ACTR1B: variants seen among roughly 807,000 people sequenced by gnomAD.
ACTR1B encodes the protein beta-centractin.
ACTR1B carries 34 observed loss-of-function variants against 49.4 expected under a neutral mutation model. That is an observed-to-expected ratio of 0.69 (90% CI 0.52 to 0.92). The LOEUF (loss-of-function observed/expected upper bound fraction) is 0.92, where lower values mean the gene tolerates loss of function less well. ACTR1B is among the 40% of genes least tolerant of loss of function. ACTR1B has a pLI of 0.00. For synonymous variants in ACTR1B, 207 were observed against 207.8 expected (o/e 1.00, Z 0.03); for missense variants, 471 against 522.4 (o/e 0.90, Z 0.96).
rs1674920326 is a variant in ACTR1B at position 97,658,531 on chromosome 2, T to C, written c.553A>G (p.Ile185Val). 16 of 1,613,988 alleles carry C rather than the reference T, an allele frequency of 9.9e-6. No homozygotes were observed. The highest frequency in any genetic ancestry group is 1.4e-5 in the Non-Finnish European group (16 of 1,179,986). The change falls in exon 6 of 11, where the codon ATT (isoleucine) becomes GTT (valine). Residue 185 changes from isoleucine to valine, a missense_variant. By Grantham distance (29) the Ile-to-Val change is conservative. Transcript: ENST00000289228. The surrounding 1 kb of genome is among the most constrained non-coding windows in gnomAD (Gnocchi z 5.9). ...TAGCGGGAGACGTCGCGGCCGGCAA[T>C]GTCCACCCGCATGATGGAGTGAGGC... ...AMPHSIMRVDIAGRDVSRYLR... is the reference protein window; with the variant it reads ...AMPHSIMRVDVAGRDVSRYLR...
Position 97,656,230 on chromosome 2 carries a change from G to A in ACTR1B, c.*628C>T, listed in dbSNP as rs1674832548. 1 of 152,392 alleles carries A rather than the reference G, an allele frequency of 6.6e-6. No homozygotes were observed. Among genetic ancestry groups the A allele is most frequent in the Non-Finnish European group, 1.5e-5 (1 of 68,222 alleles). 9.4% of individuals were successfully genotyped at this position (152,392 alleles called of 1,614,324 possible). On this transcript the variant is annotated 3_prime_UTR_variant, in exon 11 of 11. Coordinates refer to ENST00000289228, the MANE Select transcript of ACTR1B (RefSeq NM_005735.4). ...GTAGAGGGAGGAGCAAGTGGATGAAGTGCTCTGAAAAGGATAGTGCAGCGG... is the reference window on the plus strand; with the variant it reads ...GTAGAGGGAGGAGCAAGTGGATGAAATGCTCTGAAAAGGATAGTGCAGCGG...
In ACTR1B at chr2:97,659,505, A is replaced by C. The variant is rs1573182842; in HGVS notation, c.190-28T>G. 1 of 1,610,870 alleles carries C rather than the reference A, an allele frequency of 6.2e-7. No homozygotes were observed. The highest frequency in any genetic ancestry group is 8.5e-7 in the Non-Finnish European group (1 of 1,179,598). On this transcript the variant is annotated intron_variant, in intron 3 of 10. Coordinates refer to ENST00000289228, the MANE Select transcript of ACTR1B (RefSeq NM_005735.4). This position sits in a 1 kb window ranked among gnomAD's most constrained non-coding sequence, Gnocchi z 4.0. ...GGTGGGGTGGGAAGGGAGGTGTGGC[A>C]CCCGGCCCTTGCTCAGCGGCTGCTT...
chr2:97,658,311 C>G lies in ACTR1B; in HGVS notation c.663G>C (p.Ala221=), dbSNP rs757632610. Residue 221 remains alanine, a synonymous_variant, in exon 7 of 11, where the codon GCG becomes GCC. Coordinates refer to ENST00000289228, the MANE Select transcript of ACTR1B (RefSeq NM_005735.4). This position sits in a 1 kb window ranked among gnomAD's most constrained non-coding sequence, Gnocchi z 5.9. Reference sequence around the variant, plus strand: ...TCTGTGGGTTGATGGACAGGTAGCACGCTCGCTGCGGGGACAGGGACACAG... The same window carrying G: ...TCTGTGGGTTGATGGACAGGTAGCAGGCTCGCTGCGGGGACAGGGACACAG... ...FEVVRTIKER[A]CYLSINPQKD... is the part of the protein sequence containing the mutation. 4.3e-6 allele frequency: 7 copies of G among 1,614,210 alleles called. No individual in the cohort carries two copies. The South Asian group carries it at 7.7e-5, about 18-fold the overall frequency.
intron 1 of ACTR1B, among the ~76,000 whole-genome samples, chr2:97,663,584 G>A (rs1227171378): frequency 2.6e-5 from 4 of 151,936 alleles, no homozygotes; most frequent in Admixed American, 2.0e-4. Context: ...TGTCACTCAA[G>A]CTCTCCTGAA....
At chr2:97,663,796 C>T (rs2104511954) in intron 1 of ACTR1B, 47 bp downstream of exon 1, 1 of 1,299,900 alleles carries the variant, frequency 7.7e-7, no homozygotes. Flanking sequence ...GCCGCGTGCG[C>T]CCCCGGGGGC....
intron 2 of ACTR1B, among the ~76,000 whole-genome samples, chr2:97,661,423 C>T (rs1174112965): frequency 1.3e-5 from 2 of 152,216 alleles, no homozygotes; most frequent in African/African-American, 2.4e-5. Flanking sequence ...CTTATTCCCG[C>T]CCCCACCAGT....
At chr2:97,662,847 G>C (rs1675057381) in intron 1 of ACTR1B, among the ~76,000 whole-genome samples, 1 of 152,180 alleles carries the variant, frequency 6.6e-6, no homozygotes, top group Non-Finnish European at 1.5e-5. Flanking sequence ...TTCCTGCAGC[G>C]TCCTGCTGGT....
intron 1 of ACTR1B, among the ~76,000 whole-genome samples, chr2:97,662,822 G>A (rs746898681): frequency 6.6e-5 from 10 of 152,162 alleles, no homozygotes; most frequent in Non-Finnish European, 1.0e-4. Flanking sequence ...GTCAAGAAAG[G>A]AAGTAGCCTG....
chr2:97,657,517 C>T lies in ACTR1B; in HGVS notation c.926-8G>A, dbSNP rs772277830. ...GTAATCGGTCTCCGAAGCCTGTGAA[C>T]ACAAAGCTGGCTGAGCCTGGGGTCT... is the stretch of plus-strand genomic sequence containing the variant. On this transcript the variant is annotated splice_polypyrimidine_tract_variant and splice_region_variant and intron_variant, in intron 8 of 10. Coordinates refer to ENST00000289228, the MANE Select transcript of ACTR1B (RefSeq NM_005735.4). The T allele has an allele frequency of 1.9e-6, 3 of 1,614,108 alleles. No individual in the cohort carries two copies. Among genetic ancestry groups the T allele is most frequent in the Non-Finnish European group, 2.5e-6 (3 of 1,180,038 alleles).
chr2:97,657,909 C>T (rs756551537), intron 8 of ACTR1B, 34 bp downstream of exon 8: 7 of 1,605,856 alleles, frequency 4.4e-6, no homozygotes, highest in Non-Finnish European at 5.1e-6. Flanking sequence ...CCCTGGGCCT[C>T]GTCTCACCAC....
chr2:97,662,640 G>A (rs906617405), intron 1 of ACTR1B, among the ~76,000 whole-genome samples: 3 of 152,080 alleles, frequency 2.0e-5, no homozygotes, highest in Admixed American at 6.5e-5. Flanking sequence ...CCCACCCAGC[G>A]AAGGGATAAG....
intron 1 of ACTR1B, among the ~76,000 whole-genome samples, chr2:97,663,197 T>A (rs1675071387): frequency 6.6e-6 from 1 of 152,178 alleles, no homozygotes; most frequent in Non-Finnish European, 1.5e-5. Context: ...GATGACATCT[T>A]TCCTCTGAGG....
chr2:97,658,724 C>T lies in ACTR1B; in HGVS notation c.441-81G>A, dbSNP rs1003921534. 1.3e-6 allele frequency: 2 copies of T among 1,583,212 alleles called. No individual in the cohort carries two copies. Among genetic ancestry groups the T allele is most frequent in the Non-Finnish European group, 1.7e-6 (2 of 1,155,170 alleles). Reference sequence around the variant, plus strand: ...ACCCAGGGGAGGAACCCTGGCACATCTGCATTATCTAGTCTGAAGAGAGGA... The same window carrying T: ...ACCCAGGGGAGGAACCCTGGCACATTTGCATTATCTAGTCTGAAGAGAGGA... On this transcript the variant is annotated intron_variant, in intron 5 of 10. Transcript: ENST00000289228. The surrounding 1 kb of genome is among the most constrained non-coding windows in gnomAD (Gnocchi z 5.9).
Position 97,657,928 on chromosome 2 carries a change from C to T in ACTR1B, c.925+15G>A, listed in dbSNP as rs1020391201. On this transcript the variant is annotated intron_variant, in intron 8 of 10. Coordinates refer to ENST00000289228, the MANE Select transcript of ACTR1B (RefSeq NM_005735.4). ...GGGCCTCGTCTCACCACCACCAACTCTCAAGCCACAGTACCTTTGAAAAGC... is the reference window on the plus strand; with the variant it reads ...GGGCCTCGTCTCACCACCACCAACTTTCAAGCCACAGTACCTTTGAAAAGC... 9 of 1,612,344 alleles carry T rather than the reference C, an allele frequency of 5.6e-6. No homozygotes were observed. In the East Asian group the frequency reaches 8.9e-5, roughly 16 times the overall value.
Position 97,657,998 on chromosome 2 carries a change from C to A in ACTR1B, c.870G>T (p.Leu290=). 8 of 1,614,216 alleles carry A rather than the reference C, an allele frequency of 5.0e-6. No homozygotes were observed. Among genetic ancestry groups the A allele is most frequent in the Non-Finnish European group, 5.9e-6 (7 of 1,180,050 alleles). Residue 290 remains leucine (L), a synonymous_variant, in exon 8 of 11, where the codon CTG becomes CTT. Coordinates refer to ENST00000289228, the MANE Select transcript of ACTR1B (RefSeq NM_005735.4). ...CGATGTTGGCGAACAGCGTCCGGCGCAGGTCCATGTCGGACTTGTGTATGG... is the reference window on the plus strand; with the variant it reads ...CGATGTTGGCGAACAGCGTCCGGCGAAGGTCCATGTCGGACTTGTGTATGG... ...AFAIHKSDMD[L]RRTLFANIVL...
Position 97,656,603 on chromosome 2 carries a change from C to A in ACTR1B, c.*255G>T, listed in dbSNP as rs533336963. The A allele has an allele frequency of 4.0e-4, 187 of 468,272 alleles. No homozygotes were observed. Among genetic ancestry groups the A allele is most frequent in the Non-Finnish European group, 6.2e-4 (161 of 258,142 alleles). 29.0% of individuals were successfully genotyped at this position (468,272 alleles called of 1,614,324 possible). On this transcript the variant is annotated 3_prime_UTR_variant, in exon 11 of 11. Coordinates refer to ENST00000289228, the MANE Select transcript of ACTR1B (RefSeq NM_005735.4). ...CCTAGCTGGCCCTGCCAGGGGGATA[C>A]CCACAACAGCCTGACATGGCGCTCA...
Position 97,658,506 on chromosome 2 carries a change from T to C in ACTR1B, c.578A>G (p.Tyr193Cys), listed in dbSNP as rs1235768582. Reference sequence around the variant, plus strand: ...TTCCTTGCGCAGCAGGAGTCGGAGGTAGCGGGAGACGTCGCGGCCGGCAAT... The same window carrying C: ...TTCCTTGCGCAGCAGGAGTCGGAGGCAGCGGGAGACGTCGCGGCCGGCAAT... ...VDIAGRDVSR[Y>C]LRLLLRKEGV... Residue 193 changes from tyrosine to cysteine, a missense_variant, in exon 6 of 11, where the codon TAC becomes TGC. Tyr to Cys is a radical substitution (Grantham distance 194, BLOSUM62 -2). Coordinates refer to ENST00000289228, the MANE Select transcript of ACTR1B (RefSeq NM_005735.4). This position sits in a 1 kb window ranked among gnomAD's most constrained non-coding sequence, Gnocchi z 5.9. 2 of 1,613,854 alleles carry C rather than the reference T, an allele frequency of 1.2e-6. No individual in the cohort carries two copies. Among genetic ancestry groups the C allele is most frequent in the East Asian group, 2.2e-5 (1 of 44,858 alleles).
At position 97,659,793 on chromosome 2, in the gene ACTR1B, C is replaced by T. The variant is rs1674963440; in HGVS notation, c.190-316G>A. 4.8e-6 allele frequency: 2 copies of T among 420,758 alleles called. No homozygotes were observed. The highest frequency in any genetic ancestry group is 8.7e-6 in the Non-Finnish European group (2 of 230,050). The allele number at this position is 420,758 out of a possible 1,614,324, so 26.1% of individuals were successfully genotyped here. ...GCCGGCACATCCCCCACATTCTCCT[C>T]ACACTCTGCCAGCTCCCCTCTGGCC... On this transcript the variant is annotated intron_variant, in intron 3 of 10. Transcript: ENST00000289228. This position sits in a 1 kb window ranked among gnomAD's most constrained non-coding sequence, Gnocchi z 4.0.
In ACTR1B at chr2:97,664,032, C is replaced by G. The variant is rs943644327; in HGVS notation, c.-142G>C. ...CCGAGCCTGCAGCCTACGCGAGCCC[C>G]GCGGGGCTTTCTGGAGGGCGGGCCC... On this transcript the variant is annotated 5_prime_UTR_variant, in exon 1 of 11. Coordinates refer to ENST00000289228, the MANE Select transcript of ACTR1B (RefSeq NM_005735.4). 22 of 380,156 alleles carry G rather than the reference C, an allele frequency of 5.8e-5. No individual in the cohort carries two copies. Among genetic ancestry groups the G allele is most frequent in the Admixed American group, 5.2e-4 (10 of 19,338 alleles). 23.5% of individuals were successfully genotyped at this position (380,156 alleles called of 1,614,324 possible).
Sources: gnomAD v4.1 joint callset for allele counts (sites outside exome capture counted in the v4.1 genomes callset) on GRCh38, gnomAD v4.1.1 for gene constraint, Gnocchi (gnomAD v3.1) non-coding constraint, MANE v1.5 for transcripts, NCBI Gene and HGNC (gene_info 2026-07-23, HGNC 2026-07-21) for gene names.